The following RHEB variants were observed in gnomAD, a reference collection of about 807,000 sequenced individuals.
RHEB encodes the protein Ras homolog, mTORC1 binding, also known as GTP-binding protein Rheb.
In RHEB, 2 loss-of-function variants were observed where a neutral mutation model predicts 28.8. The observed-to-expected ratio is 0.07, with a 90% CI of 0.03 to 0.22. RHEB has a LOEUF of 0.22. Ranked by LOEUF, RHEB falls within the 10% of genes least tolerant of loss-of-function variation. RHEB has a pLI of 1.00. For missense variants in RHEB, 76 were observed against 219.9 expected (o/e 0.35, Z 4.14); for synonymous variants, 69 against 77.3 (o/e 0.89, Z 0.56).
At chr7:151,514,809 A>G (rs1466412740) in intron 1 of RHEB, among the ~76,000 whole-genome samples, 1 of 152,162 alleles carries the variant, frequency 6.6e-6, no homozygotes, top group Non-Finnish European at 1.5e-5. Context: ...GACTGAGACC[A>G]GAGGATTGCT....
intron 1 of RHEB, chr7:151,498,258 A>C (rs1802708315): frequency 1.5e-6 from 1 of 673,382 alleles, no homozygotes; most frequent in African/African-American, 1.9e-5. Flanking sequence ...CAGCTCTCTA[A>C]CTTTAGGGGA....
intron 1 of RHEB, among the ~76,000 whole-genome samples, chr7:151,505,055 C>CAAAA (rs1802844170): frequency 7.6e-6 from 1 of 131,570 alleles, no homozygotes; most frequent in African/African-American, 2.8e-5. Flanking sequence ...AAAAAAAAAC[C>CAAAA]CAAAAAACAA....
At chr7:151,503,195 C>T in intron 1 of RHEB, 1 of 784,090 alleles carries the variant, frequency 1.3e-6, no homozygotes, top group Non-Finnish European at 2.4e-6. Context: ...TCTCTAACTC[C>T]AAAGCAAGAA....
chr7:151,507,020 C>A (rs534463220), intron 1 of RHEB, among the ~76,000 whole-genome samples: 3 of 152,228 alleles, frequency 2.0e-5, no homozygotes, highest in Non-Finnish European at 1.5e-5. Context: ...CTGCTGCATT[C>A]TGCAGGCTCA....
At chr7:151,513,726 ATATTCAAC>A (rs1241546371) in intron 1 of RHEB, among the ~76,000 whole-genome samples, 1 of 152,240 alleles carries the variant, frequency 6.6e-6, no homozygotes, top group Non-Finnish European at 1.5e-5. Context: ...GTATCAAAGA[ATATTCAAC>A]TACCTGAAAA....
At chr7:151,512,709 T>C (rs1803012719) in intron 1 of RHEB, among the ~76,000 whole-genome samples, 1 of 152,260 alleles carries the variant, frequency 6.6e-6, no homozygotes, top group Non-Finnish European at 1.5e-5. Flanking sequence ...GCATTTAGGA[T>C]GCAGTCACTG....
chr7:151,511,098 A>T (rs924052325), intron 1 of RHEB, among the ~76,000 whole-genome samples: 6 of 152,144 alleles, frequency 3.9e-5, no homozygotes, highest in East Asian at 3.8e-4. Flanking sequence ...AAATAAAAAA[A>T]AAAATAAAGC....
At chr7:151,508,796 T>C (rs1802933122) in intron 1 of RHEB, among the ~76,000 whole-genome samples, 2 of 152,052 alleles carry the variant, frequency 1.3e-5, no homozygotes, top group South Asian at 4.2e-4. Context: ...GGCCAGATTG[T>C]TTCCATTGGG....
chr7:151,471,458 A>G lies in RHEB; in HGVS notation c.333-17T>C. The G allele has an allele frequency of 6.3e-7, 1 of 1,575,046 alleles. No individual in the cohort carries two copies. On this transcript the variant is annotated splice_polypyrimidine_tract_variant and intron_variant, in intron 5 of 7. Coordinates refer to ENST00000262187, the MANE Select transcript of RHEB (RefSeq NM_005614.4). ...ATAGGTATTCTATTTGTAAGAAAAA[A>G]AAGACAAACCAGTAAGTGCCAGATT...
In RHEB at chr7:151,490,393, C is replaced by G. The variant is rs1031670999; in HGVS notation, c.124+550G>C. 1.1e-4 allele frequency among the ~76,000 whole-genome samples: 16 copies of G among 152,320 alleles called. 1 individual carries two copies. The highest frequency in any genetic ancestry group is 3.4e-4 in the African/African-American group (14 of 41,572). On this transcript the variant is annotated intron_variant, in intron 2 of 7. Transcript: ENST00000262187. The stretch of plus-strand genomic sequence containing the variant: ...GTCATGGCTGGTTCTGTCTTCCCTG[C>G]TTTTTTCTGCACATGGCCTAAAATG...
intron 1 of RHEB, among the ~76,000 whole-genome samples, chr7:151,513,821 T>C (rs1335397286): frequency 1.3e-5 from 2 of 152,194 alleles, no homozygotes; most frequent in African/African-American, 4.8e-5. Flanking sequence ...AATCCAGCTG[T>C]TAAGACATTA....
chr7:151,477,074 A>G (rs969176423), intron 4 of RHEB, among the ~76,000 whole-genome samples: 1 of 152,196 alleles, frequency 6.6e-6, no homozygotes, highest in Non-Finnish European at 1.5e-5. Flanking sequence ...AATTAGCAGA[A>G]AAGCTTAGAT....
intron 7 of RHEB, 198 bp downstream of exon 7, chr7:151,470,373 G>GT: frequency 2.4e-6 from 1 of 413,012 alleles, no homozygotes; most frequent in Non-Finnish European, 4.4e-6. Flanking sequence ...AGGTTCCACT[G>GT]TAAGTAGAAT....
rs915593496 is a variant in RHEB, at chr7:151,480,393, G to GA, written c.193-2979dup. Among the ~76,000 whole-genome samples, 288 of 132,024 alleles carry GA rather than the reference G, an allele frequency of 2.2e-3. 4 individuals carry two copies. The highest frequency in any genetic ancestry group is 7.3e-3 in the African/African-American group (254 of 34,916). The allele number at this position is 132,024 out of a possible 152,430, so 86.6% of individuals were successfully genotyped here. On this transcript the variant is annotated intron_variant, in intron 3 of 7. Transcript: ENST00000262187. ...GATGTATTACTTTTTGTGTAAAAAG[G>GA]AAAAAAAACAAAACAAAACCCAAGC...
chr7:151,483,968 T>A (rs1229629390), intron 3 of RHEB, among the ~76,000 whole-genome samples: 1 of 152,196 alleles, frequency 6.6e-6, no homozygotes, highest in East Asian at 1.9e-4. Flanking sequence ...CATGTGAATA[T>A]CCTTTCTGGG....
intron 1 of RHEB, among the ~76,000 whole-genome samples, chr7:151,506,386 G>T (rs1343654146): frequency 6.6e-6 from 1 of 151,920 alleles, no homozygotes; most frequent in Non-Finnish European, 1.5e-5. Flanking sequence ...TGAGATGGTG[G>T]TTATTAGCTA....
chr7:151,509,473 T>TCATGAGAATCAGG, intron 1 of RHEB, among the ~76,000 whole-genome samples: 1 of 152,346 alleles, frequency 6.6e-6, no homozygotes. Context: ...ACTCAGGCAC[T>TCATGAGAATCAGG]CACATGAGAA....
chr7:151,516,738 A>G (rs1023334006), intron 1 of RHEB, among the ~76,000 whole-genome samples: 1 of 152,194 alleles, frequency 6.6e-6, no homozygotes, highest in Non-Finnish European at 1.5e-5. Flanking sequence ...TCACAATGAC[A>G]AGTATCCTAC....
intron 1 of RHEB, among the ~76,000 whole-genome samples, chr7:151,494,072 C>T (rs1472147912): frequency 1.3e-5 from 2 of 151,912 alleles, no homozygotes; most frequent in African/African-American, 4.8e-5. Flanking sequence ...TTTTGTTTTG[C>T]TTACAAATGG....
Sources: allele counts gnomAD v4.1 joint callset (sites outside exome capture counted in the v4.1 genomes callset), GRCh38; gene constraint gnomAD v4.1.1; transcripts MANE v1.5; gene names NCBI Gene and HGNC (gene_info 2026-07-23, HGNC 2026-07-21).